Variants in NR2F1-AS1 observed in about 807,000 individuals in gnomAD.
NR2F1-AS1 encodes the protein NR2F1 antisense RNA 1.
At chr5:93,574,623 C>T (rs1358558621) in intron 1 of NR2F1-AS1, among the ~76,000 whole-genome samples, 5 of 152,178 alleles carry the variant, frequency 3.3e-5, no homozygotes, top group Non-Finnish European at 7.3e-5. Context: ...TCTGCCTTAG[C>T]CACTCTGAGT....
chr5:93,540,898 A>G (rs972933076), intron 4 of NR2F1-AS1, among the ~76,000 whole-genome samples: 1 of 152,222 alleles, frequency 6.6e-6, no homozygotes, highest in Admixed American at 6.5e-5. Context: ...GTGCAAGTAC[A>G]TGAGTGCTTA....
intron 2 of NR2F1-AS1, among the ~76,000 whole-genome samples, chr5:93,558,668 C>T (rs1179511612): frequency 6.6e-6 from 1 of 152,176 alleles, no homozygotes. Flanking sequence ...TGAAATTACT[C>T]CTTGATCTAT....
At chr5:93,569,598 T>C (rs182369325) in intron 1 of NR2F1-AS1, among the ~76,000 whole-genome samples, 14 of 152,232 alleles carry the variant, frequency 9.2e-5, no homozygotes, top group Admixed American at 3.3e-4. Context: ...GAGAGTACAG[T>C]TGATGGAGTC....
intron 1 of NR2F1-AS1, chr5:93,570,915 GGGAGGGGCCCTC>G (rs1308668676): frequency 1.3e-4 from 20 of 152,352 alleles, no homozygotes; most frequent in East Asian, 5.8e-4. Context: ...GGAAAGGGGT[GGGAGGGGCCCTC>G]GGAGGGGCCC....
chr5:93,542,107 G>A (rs545158997), intron 4 of NR2F1-AS1: 1 of 147,888 alleles, frequency 6.8e-6, no homozygotes, highest in South Asian at 2.2e-4. Context: ...TCCTGACCCT[G>A]CCAACAAGTA....
chr5:93,413,187 G>C, intron 4 of NR2F1-AS1, among the ~76,000 whole-genome samples: 1 of 137,206 alleles, frequency 7.3e-6, no homozygotes, highest in South Asian at 2.3e-4. Flanking sequence ...CATCAGAATA[G>C]ACATATATAT....
intron 4 of NR2F1-AS1, among the ~76,000 whole-genome samples, chr5:93,552,105 T>C (rs1218050916): frequency 6.6e-6 from 1 of 152,186 alleles, no homozygotes; most frequent in Non-Finnish European, 1.5e-5. Context: ...AAATTGGGGA[T>C]ATAAAGATGA....
intron 4 of NR2F1-AS1, among the ~76,000 whole-genome samples, chr5:93,523,859 A>T (rs917061571): frequency 6.6e-6 from 1 of 152,188 alleles, no homozygotes; most frequent in African/African-American, 2.4e-5. Flanking sequence ...GGTCACCAAA[A>T]TCCAAGACCA....
At chr5:93,558,426 T>G (rs1752412741) in intron 2 of NR2F1-AS1, among the ~76,000 whole-genome samples, 2 of 151,600 alleles carry the variant, frequency 1.3e-5, no homozygotes, top group Admixed American at 1.3e-4. Flanking sequence ...GTTCAAGCAA[T>G]TCTCCTGCCT....
In NR2F1-AS1 at chr5:93,569,363, T is replaced by C. The variant is rs543262057; in HGVS notation, n.314-5900A>G. On this transcript the variant is annotated intron_variant and non_coding_transcript_variant, in intron 1 of 5. Transcript: ENST00000660523. The stretch of plus-strand genomic sequence containing the variant: ...GCGGGTTTAAAAAAATCCACAAAAG[T>C]TGCTGAAACAAACACTTGGGGACTA... 5.3e-5 allele frequency among the ~76,000 whole-genome samples: 8 copies of C among 152,268 alleles called. No homozygotes were observed. The South Asian group carries it at 6.2e-4, about 12-fold the overall frequency.
intron 4 of NR2F1-AS1, among the ~76,000 whole-genome samples, chr5:93,492,218 A>G (rs1750866198): frequency 6.6e-6 from 1 of 152,224 alleles, no homozygotes; most frequent in Non-Finnish European, 1.5e-5. Flanking sequence ...AAATTCCTAG[A>G]AACACATAAA....
chr5:93,439,135 T>G (rs894979111), intron 4 of NR2F1-AS1, among the ~76,000 whole-genome samples: 9 of 152,250 alleles, frequency 5.9e-5, no homozygotes, highest in Admixed American at 3.3e-4. Flanking sequence ...TGACCTAACA[T>G]AGCCAAGAAG....
intron 4 of NR2F1-AS1, among the ~76,000 whole-genome samples, chr5:93,428,253 C>T (rs1174124347): frequency 6.6e-6 from 1 of 152,130 alleles, no homozygotes; most frequent in Non-Finnish European, 1.5e-5. Context: ...AAAGGAGGTA[C>T]AGCAAATGAT....
chr5:93,549,920 C>T (rs1356232270), intron 4 of NR2F1-AS1, among the ~76,000 whole-genome samples: 1 of 151,850 alleles, frequency 6.6e-6, no homozygotes, highest in African/African-American at 2.4e-5. Context: ...ACAATGAGAA[C>T]ACATGGACAC....
At chr5:93,440,205 C>G (rs1232902099) in intron 4 of NR2F1-AS1, among the ~76,000 whole-genome samples, 2 of 151,262 alleles carry the variant, frequency 1.3e-5, no homozygotes, top group East Asian at 3.9e-4. Flanking sequence ...CTCTCTCTCT[C>G]TCTCTCTCTC....
At chr5:93,518,022 G>T (rs549517331) in intron 4 of NR2F1-AS1, among the ~76,000 whole-genome samples, 142 of 152,106 alleles carry the variant, frequency 9.3e-4, no homozygotes, top group African/African-American at 3.4e-3. Context: ...CCTTGATCTT[G>T]GGGCTTAAGC....
At chr5:93,504,400 G>A (rs1017964619) in intron 4 of NR2F1-AS1, among the ~76,000 whole-genome samples, 1 of 152,102 alleles carries the variant, frequency 6.6e-6, no homozygotes, top group East Asian at 1.9e-4. Flanking sequence ...TCAGTCAAAA[G>A]TTTATAGACA....
At chr5:93,469,815 C>T (rs1272210615) in intron 4 of NR2F1-AS1, among the ~76,000 whole-genome samples, 1 of 152,062 alleles carries the variant, frequency 6.6e-6, no homozygotes, top group African/African-American at 2.4e-5. Context: ...AGACCGAAGG[C>T]TGTTAATATC....
chr5:93,566,609 G>T lies in NR2F1-AS1; in HGVS notation n.314-3146C>A, dbSNP rs539932420. Among the ~76,000 whole-genome samples the T allele has an allele frequency of 2.6e-5, 4 of 152,134 alleles. No homozygotes were observed. In the South Asian group the frequency reaches 8.3e-4, roughly 32 times the overall value. ...TTGCTCATGTAACATGAATTAGAATGCTGCCTCTACAGAGGAATTTTTTTT... is the reference window on the plus strand; with the variant it reads ...TTGCTCATGTAACATGAATTAGAATTCTGCCTCTACAGAGGAATTTTTTTT... On this transcript the variant is annotated intron_variant and non_coding_transcript_variant, in intron 1 of 5. Coordinates refer to ENST00000660523, the Ensembl canonical transcript of NR2F1-AS1.
Sources: gnomAD v4.1 joint callset for allele counts (sites outside exome capture counted in the v4.1 genomes callset) on GRCh38, gnomAD v4.1.1 for gene constraint, MANE v1.5 for transcripts, NCBI Gene and HGNC (gene_info 2026-07-23, HGNC 2026-07-21) for gene names.